The following PTPRM variants were observed in gnomAD, a reference collection of about 807,000 sequenced individuals.
PTPRM encodes protein tyrosine phosphatase receptor type M, also known as receptor-type tyrosine-protein phosphatase mu.
In PTPRM, 47 loss-of-function variants were observed where a neutral mutation model predicts 186.7. The observed-to-expected ratio is 0.25, with a 90% CI of 0.20 to 0.32. PTPRM has a LOEUF of 0.32. PTPRM is among the 10% of genes least tolerant of loss of function. The pLI, the probability that PTPRM is intolerant of heterozygous loss-of-function variation, is 1.00. For synonymous variants in PTPRM, 668 were observed against 674.9 expected (o/e 0.99, Z 0.16); for missense variants, 1,494 against 1,865.0 (o/e 0.80, Z 3.66).
At chr18:7,800,622 A>G (rs1379184239) in intron 2 of PTPRM, among the ~76,000 whole-genome samples, 1 of 152,240 alleles carries the variant, frequency 6.6e-6, no homozygotes, top group Non-Finnish European at 1.5e-5. Flanking sequence ...GAAGTAATCC[A>G]AATCTTAGTT....
At chr18:7,661,683 A>G (rs921174874) in intron 1 of PTPRM, among the ~76,000 whole-genome samples, 2 of 152,246 alleles carry the variant, frequency 1.3e-5, no homozygotes, top group Admixed American at 6.5e-5. Flanking sequence ...TGTTTCTGCT[A>G]CAAACATGCA....
At position 7,950,911 on chromosome 18, in the gene PTPRM, A is replaced by T. The variant is rs2052907370; in HGVS notation, c.838+1556A>T. Among the ~76,000 whole-genome samples, 3 of 152,328 alleles carry T rather than the reference A, an allele frequency of 2.0e-5. No homozygotes were observed. The South Asian group carries it at 6.2e-4, about 32-fold the overall frequency. ...ATAAAACCTCCAATGAGTCAGCCAT[A>T]TGCTCTGTTGTGAGATCACCACTGC... On this transcript the variant is annotated intron_variant, in intron 6 of 32. Coordinates refer to ENST00000580170, the MANE Select transcript of PTPRM (RefSeq NM_001105244.2).
In PTPRM at chr18:7,596,793, C is replaced by T. The variant is rs183649644; in HGVS notation, c.73+28902C>T. On this transcript the variant is annotated intron_variant, in intron 1 of 32. Transcript: ENST00000580170. ...TTGTTAAAACTCTTTGTAGAAATGC[C>T]ACTCACTCCTTTCCTTCTCTTCAAA... 9.9e-5 allele frequency among the ~76,000 whole-genome samples: 15 copies of T among 152,022 alleles called. 2 individuals carry two copies. In the East Asian group the frequency reaches 2.9e-3, roughly 29 times the overall value.
At chr18:7,571,979 A>G (rs1369760830) in intron 1 of PTPRM, among the ~76,000 whole-genome samples, 1 of 152,200 alleles carries the variant, frequency 6.6e-6, no homozygotes, top group East Asian at 1.9e-4. Flanking sequence ...TCAGATAACT[A>G]TAGTCATAGC....
At chr18:7,607,775 C>T (rs1461802038) in intron 1 of PTPRM, among the ~76,000 whole-genome samples, 2 of 152,264 alleles carry the variant, frequency 1.3e-5, no homozygotes, top group Non-Finnish European at 2.9e-5. Flanking sequence ...AGGCAAGCCA[C>T]TCATTCCTCG....
chr18:8,027,537 A>G (rs1421641336), intron 7 of PTPRM, among the ~76,000 whole-genome samples: 4 of 152,208 alleles, frequency 2.6e-5, no homozygotes, highest in Non-Finnish European at 4.4e-5. Flanking sequence ...GATTCTGCCC[A>G]TTTCTGCTAA....
At chr18:8,287,215 G>C (rs2094966928) in intron 19 of PTPRM, among the ~76,000 whole-genome samples, 1 of 152,122 alleles carries the variant, frequency 6.6e-6, no homozygotes, top group Non-Finnish European at 1.5e-5. Flanking sequence ...AAATTTTCTT[G>C]GAGACAACAG....
chr18:8,349,052 G>T (rs1598397069), intron 23 of PTPRM, among the ~76,000 whole-genome samples: 1 of 152,294 alleles, frequency 6.6e-6, no homozygotes, highest in East Asian at 1.9e-4. Flanking sequence ...AAAGAGTCAT[G>T]AAAGGAAAAG....
At chr18:7,716,089 C>T (rs755010200) in intron 1 of PTPRM, among the ~76,000 whole-genome samples, 1 of 152,116 alleles carries the variant, frequency 6.6e-6, no homozygotes, top group Non-Finnish European at 1.5e-5. Context: ...CTGGAGGGAT[C>T]ACGCTACCTG....
chr18:7,588,422 T>A (rs1366776714), intron 1 of PTPRM, among the ~76,000 whole-genome samples: 1 of 152,130 alleles, frequency 6.6e-6, no homozygotes, highest in Non-Finnish European at 1.5e-5. Flanking sequence ...ATTGGAAAAA[T>A]CACTACATAA....
At chr18:7,577,797 C>T (rs2143442961) in intron 1 of PTPRM, among the ~76,000 whole-genome samples, 1 of 152,102 alleles carries the variant, frequency 6.6e-6, no homozygotes, top group East Asian at 1.9e-4. Context: ...GGAGGTTCTC[C>T]CTCGTCTCTC....
intron 2 of PTPRM, among the ~76,000 whole-genome samples, chr18:7,797,747 G>A (rs1481751582): frequency 6.6e-6 from 1 of 151,790 alleles, no homozygotes; most frequent in Non-Finnish European, 1.5e-5. Flanking sequence ...CTAGAAGATT[G>A]TCTTTTTCAT....
chr18:7,874,914 C>T (rs1035801729), intron 2 of PTPRM, among the ~76,000 whole-genome samples: 3 of 152,216 alleles, frequency 2.0e-5, no homozygotes, highest in African/African-American at 7.2e-5. Flanking sequence ...CACAAATGGC[C>T]TGGCGCAGTG....
chr18:8,260,424 A>G (rs1286695851), intron 19 of PTPRM, among the ~76,000 whole-genome samples: 4 of 152,166 alleles, frequency 2.6e-5, no homozygotes, highest in East Asian at 3.9e-4. Flanking sequence ...TCAGCCCCAC[A>G]AAGTGCTGGA....
At position 8,376,110 on chromosome 18, in the gene PTPRM, T is replaced by C; in HGVS notation, c.3236T>C (p.Val1079Ala). ...TTCACTGGCTGGCCGGATCATGGGG[T>C]CCCCTACCATGCCACCGGCCTGCTG... is the stretch of plus-strand genomic sequence containing the variant. ...FHFTGWPDHG[V>A]PYHATGLLGF... Residue 1079 changes from valine to alanine, a missense_variant, in exon 25 of 33, where the codon GTC becomes GCC. Val to Ala is a moderately conservative substitution (Grantham distance 64, BLOSUM62 0). Coordinates refer to ENST00000580170, the MANE Select transcript of PTPRM (RefSeq NM_001105244.2). 6.2e-7 allele frequency: 1 copy of C among 1,613,972 alleles called. No homozygotes were observed. The highest frequency in any genetic ancestry group is 8.5e-7 in the Non-Finnish European group (1 of 1,179,972).
At chr18:7,658,588 C>T (rs138584009) in intron 1 of PTPRM, among the ~76,000 whole-genome samples, 34 of 152,004 alleles carry the variant, frequency 2.2e-4, no homozygotes, top group African/African-American at 8.0e-4. Flanking sequence ...CTTGTAAAGA[C>T]GTTTTATTCA....
At chr18:8,379,531 A>G (rs2148504733) in intron 28 of PTPRM, among the ~76,000 whole-genome samples, 191 bp downstream of exon 28, 1 of 152,284 alleles carries the variant, frequency 6.6e-6, no homozygotes, top group Non-Finnish European at 1.5e-5. Flanking sequence ...TCGTTTCTCA[A>G]AGACCACCAG....
chr18:7,695,171 T>C (rs1209942392), intron 1 of PTPRM, among the ~76,000 whole-genome samples: 4 of 152,224 alleles, frequency 2.6e-5, no homozygotes, highest in Admixed American at 2.6e-4. Context: ...TAAGTGGTGC[T>C]TCGGCTCGTA....
At chr18:7,948,073 T>C (rs1439058381) in intron 5 of PTPRM, among the ~76,000 whole-genome samples, 1 of 151,766 alleles carries the variant, frequency 6.6e-6, no homozygotes, top group Non-Finnish European at 1.5e-5. Flanking sequence ...TGTCCATTGT[T>C]TTTTACTAAT....
Sources: gnomAD v4.1 joint callset for allele counts (sites outside exome capture counted in the v4.1 genomes callset) on GRCh38, gnomAD v4.1.1 for gene constraint, MANE v1.5 for transcripts, NCBI Gene and HGNC (gene_info 2026-07-23, HGNC 2026-07-21) for gene names.